PSME1: variants seen among roughly 807,000 people sequenced by gnomAD.
PSME1 encodes proteasome activator subunit 1, also known as proteasome activator complex subunit 1.
A neutral mutation model predicts 38.4 loss-of-function variants in PSME1; 15 were observed. The observed-to-expected ratio is 0.39, with a 90% CI of 0.26 to 0.60. The LOEUF is 0.60. Ranked by LOEUF, PSME1 falls within the 20% of genes least tolerant of loss-of-function variation. The pLI is 0.53. For synonymous variants in PSME1, 106 were observed against 106.8 expected (o/e 0.99, Z 0.05); for missense variants, 249 against 305.6 (o/e 0.81, Z 1.38).
intron 2 of PSME1, 55 bp downstream of exon 2, chr14:24,137,072 C>A: frequency 9.3e-6 from 15 of 1,614,016 alleles, no homozygotes; most frequent in Non-Finnish European, 1.3e-5. Flanking sequence ...TACTGCTCAA[C>A]CCTGCCTCAC....
Position 24,137,220 on chromosome 14 carries a change from C to T in PSME1, c.135+15C>T. On this transcript the variant is annotated intron_variant, in intron 3 of 10. Transcript: ENST00000206451. ...CATTTTTAAAGGTACCGCGGCTGGGCAGGGAGCTAGGGAGTAAAGGCCAAG... is the reference window on the plus strand; with the variant it reads ...CATTTTTAAAGGTACCGCGGCTGGGTAGGGAGCTAGGGAGTAAAGGCCAAG... 1.2e-6 allele frequency: 2 copies of T among 1,613,700 alleles called. No homozygotes were observed. Among genetic ancestry groups the T allele is most frequent in the Non-Finnish European group, 8.5e-7 (1 of 1,179,638 alleles).
At position 24,137,806 on chromosome 14, in the gene PSME1, T is replaced by A; in HGVS notation, c.390+9T>A. The A allele has an allele frequency of 6.2e-7, 1 of 1,611,844 alleles. No homozygotes were observed. Among genetic ancestry groups the A allele is most frequent in the Non-Finnish European group, 8.5e-7 (1 of 1,177,960 alleles). On this transcript the variant is annotated intron_variant, in intron 6 of 10. Transcript: ENST00000206451. ...TTGAGCAGCTCAACCTGGTAAGCCCTCCCCCTTAAACTCTCAGGCTTCAAG... is the reference window on the plus strand; with the variant it reads ...TTGAGCAGCTCAACCTGGTAAGCCCACCCCCTTAAACTCTCAGGCTTCAAG...
rs1279885397 is a variant in PSME1 at position 24,136,241 on chromosome 14, C to T, written c.-22C>T. On this transcript the variant is annotated 5_prime_UTR_variant, in exon 1 of 11. Coordinates refer to ENST00000206451, the MANE Select transcript of PSME1 (RefSeq NM_006263.4). The surrounding 1 kb of genome is among the most constrained non-coding windows in gnomAD (Gnocchi z 4.8). ...GGTGCCCACTCCACTCCTTGTGCGG[C>T]GCTAGGCCCCCCGTCCCGGTCATGG... The T allele has an allele frequency of 6.6e-7, 1 of 1,518,910 alleles. No homozygotes were observed. The highest frequency in any genetic ancestry group is 8.8e-7 in the Non-Finnish European group (1 of 1,134,484). 94.1% of individuals were successfully genotyped at this position (1,518,910 alleles called of 1,614,324 possible).
chr14:24,136,892 C>G lies in PSME1; in HGVS notation c.40-93C>G. 2 of 1,495,094 alleles carry G rather than the reference C, an allele frequency of 1.3e-6. No individual in the cohort carries two copies. Among genetic ancestry groups the G allele is most frequent in the Non-Finnish European group, 1.9e-6 (2 of 1,075,134 alleles). The allele number at this position is 1,495,094 out of a possible 1,614,324, so 92.6% of individuals were successfully genotyped here. A position where few individuals can be genotyped will look rare whatever the true frequency, so the allele number is the denominator to read the frequency against. On this transcript the variant is annotated intron_variant, in intron 1 of 10. Coordinates refer to ENST00000206451, the MANE Select transcript of PSME1 (RefSeq NM_006263.4). The surrounding 1 kb of genome is among the most constrained non-coding windows in gnomAD (Gnocchi z 4.8). ...CCTTAGAGGGATCCCCTCCACCCTT[C>G]CCCAGGTCAGGCCCTACATAACCCT...
At position 24,137,399 on chromosome 14, in the gene PSME1, A is replaced by G; in HGVS notation, c.214A>G (p.Lys72Glu). Residue 72 changes from lysine (K) to glutamate (E), a missense_variant, in exon 4 of 11, where the codon AAA (lysine) becomes GAA (glutamate). Physicochemically the swap from Lys to Glu is moderately conservative, Grantham distance 56. Transcript: ENST00000206451. ...DIPVPDPVKE[K>E]EKEERKKQQE... ...CCCAGTGCCTGATCCAGTCAAGGAG[A>G]AAGAGAAAGAGGAGCGGAAGAAACA... is the stretch of plus-strand genomic sequence containing the variant. 6.2e-7 allele frequency: 1 copy of G among 1,614,162 alleles called. No individual in the cohort carries two copies. The highest frequency in any genetic ancestry group is 8.5e-7 in the Non-Finnish European group (1 of 1,180,022).
Position 24,137,729 on chromosome 14 carries a change from G to T in PSME1, c.322G>T (p.Glu108Ter). The part of the protein sequence containing the change: ...GPPCGPVNCN[E>*]KIVVLLQRLK... The stretch of plus-strand genomic sequence containing the variant: ...TCCCTGTGGCCCAGTGAACTGCAAT[G>T]AAAAGATCGTGGTCCTTCTGCAGCG... The change falls in exon 6 of 11, where the codon GAA becomes TAA. Residue 108 changes from glutamate to a stop codon, truncating the protein, a stop_gained. Transcript: ENST00000206451. LOFTEE classifies it high-confidence loss of function. The T allele has an allele frequency of 6.2e-7, 1 of 1,614,246 alleles. No homozygotes were observed. Among genetic ancestry groups the T allele is most frequent in the South Asian group, 1.1e-5 (1 of 91,080 alleles).
intron 5 of PSME1, 51 bp downstream of exon 5, chr14:24,137,616 C>T: frequency 1.2e-6 from 2 of 1,611,986 alleles, no homozygotes; most frequent in Non-Finnish European, 1.7e-6. Flanking sequence ...CTCACAGGAG[C>T]TCCTCCTAAG....
At position 24,138,520 on chromosome 14, in the gene PSME1, G is replaced by A. The variant is rs537411896; in HGVS notation, c.629G>A (p.Arg210Gln). The A allele has an allele frequency of 1.4e-5, 22 of 1,613,958 alleles. No homozygotes were observed. Among genetic ancestry groups the A allele is most frequent in the African/African-American group, 2.7e-5 (2 of 75,028 alleles). The change falls in exon 10 of 11, where the codon CGG becomes CAG. Residue 210 changes from arginine (R) to glutamine (Q), a missense_variant. By Grantham distance (43) the Arg-to-Gln change is conservative. Transcript: ENST00000206451. ...LVHELDEAEY[R>Q]DIRLMVMEIR... ...CACGAGCTGGATGAGGCAGAGTACC[G>A]GGACATCCGGCTGATGGTCATGGAG...
At chr14:24,138,024 G>A in intron 6 of PSME1, 25 bp from the exon 7 acceptor site, 1 of 1,611,966 alleles carries the variant, frequency 6.2e-7, no homozygotes, top group South Asian at 1.1e-5. Flanking sequence ...GGCTGATGTG[G>A]CATTATGCCA....
Position 24,137,031 on chromosome 14 carries a change from C to T in PSME1, c.72+14C>T. 10 of 1,614,188 alleles carry T rather than the reference C, an allele frequency of 6.2e-6. No individual in the cohort carries two copies. Among genetic ancestry groups the T allele is most frequent in the Non-Finnish European group, 8.5e-6 (10 of 1,180,020 alleles). ...CTCTGTACCAAGGTAAGACATGCCC[C>T]ATCAGCGTGGCCCCACCCCTGCCCA... On this transcript the variant is annotated intron_variant, in intron 2 of 10. Coordinates refer to ENST00000206451, the MANE Select transcript of PSME1 (RefSeq NM_006263.4).
intron 6 of PSME1, 86 bp from the exon 7 acceptor site, chr14:24,137,963 C>A (rs978252727): frequency 1.3e-6 from 2 of 1,547,036 alleles, no homozygotes; most frequent in Non-Finnish European, 1.8e-6. Context: ...CGCCTCCACC[C>A]AGTGTGGGGA....
At position 24,136,285 on chromosome 14, in the gene PSME1, C is replaced by T; in HGVS notation, c.23C>T (p.Pro8Leu). ...GTCATGGCCATGCTCAGGGTCCAGCCCGAGGCCCAAGCCAAGGTGAGCGCC... is the reference window on the plus strand; with the variant it reads ...GTCATGGCCATGCTCAGGGTCCAGCTCGAGGCCCAAGCCAAGGTGAGCGCC... MAMLRVQPEAQAKVDVFR... is the reference protein window; with the variant it reads MAMLRVQLEAQAKVDVFR... Residue 8 changes from proline to leucine, a missense_variant, in exon 1 of 11, where the codon CCC (proline) becomes CTC (leucine). By Grantham distance (98) the Pro-to-Leu change is moderately conservative (BLOSUM62 -3). Transcript: ENST00000206451. This position sits in a 1 kb window ranked among gnomAD's most constrained non-coding sequence, Gnocchi z 4.8. The T allele has an allele frequency of 6.5e-7, 1 of 1,530,008 alleles. No individual in the cohort carries two copies. The highest frequency in any genetic ancestry group is 8.8e-7 in the Non-Finnish European group (1 of 1,139,820). 94.8% of individuals were successfully genotyped at this position (1,530,008 alleles called of 1,614,324 possible). A position where few individuals can be genotyped will look rare whatever the true frequency, so the allele number is the denominator to read the frequency against.
Position 24,136,956 on chromosome 14 carries a change from G to A in PSME1, c.40-29G>A, listed in dbSNP as rs1489449782. ...TCAAATGAACTGGCCTTAAAGCCAA[G>A]TTTCTGAAGGGATGCGTGTGCCCCA... On this transcript the variant is annotated intron_variant, in intron 1 of 10. Transcript: ENST00000206451. This position sits in a 1 kb window ranked among gnomAD's most constrained non-coding sequence, Gnocchi z 4.8. 6.2e-7 allele frequency: 1 copy of A among 1,613,998 alleles called. No homozygotes were observed. The highest frequency in any genetic ancestry group is 1.7e-5 in the Admixed American group (1 of 60,030).
At position 24,136,270 on chromosome 14, in the gene PSME1, T is replaced by C; in HGVS notation, c.8T>C (p.Met3Thr). 1 of 1,530,110 alleles carries C rather than the reference T, an allele frequency of 6.5e-7. No homozygotes were observed. The highest frequency in any genetic ancestry group is 8.8e-7 in the Non-Finnish European group (1 of 1,139,690). 94.8% of individuals were successfully genotyped at this position (1,530,110 alleles called of 1,614,324 possible). Residue 3 changes from methionine to threonine, a missense_variant, in exon 1 of 11, where the codon ATG becomes ACG. Transcript: ENST00000206451. This position sits in a 1 kb window ranked among gnomAD's most constrained non-coding sequence, Gnocchi z 4.8. ...AGGCCCCCCGTCCCGGTCATGGCCA[T>C]GCTCAGGGTCCAGCCCGAGGCCCAA... is the stretch of plus-strand genomic sequence containing the variant. MA[M>T]LRVQPEAQAK...
Position 24,136,675 on chromosome 14 carries a change from A to G in PSME1, c.40-310A>G, listed in dbSNP as rs1448481849. Among the ~76,000 whole-genome samples, 1 of 151,788 alleles carries G rather than the reference A, an allele frequency of 6.6e-6. No individual in the cohort carries two copies. Among genetic ancestry groups the G allele is most frequent in the Non-Finnish European group, 1.5e-5 (1 of 67,912 alleles). On this transcript the variant is annotated intron_variant, in intron 1 of 10. Transcript: ENST00000206451. This position sits in a 1 kb window ranked among gnomAD's most constrained non-coding sequence, Gnocchi z 4.8. Reference sequence around the variant, plus strand: ...GAGGACTCTCAGCACCCCTCCTCACACCTGCCAGGCGACCCCAGAGATCTG... The same window carrying G: ...GAGGACTCTCAGCACCCCTCCTCACGCCTGCCAGGCGACCCCAGAGATCTG...
chr14:24,136,899 T>C lies in PSME1; in HGVS notation c.40-86T>C. On this transcript the variant is annotated intron_variant, in intron 1 of 10. Coordinates refer to ENST00000206451, the MANE Select transcript of PSME1 (RefSeq NM_006263.4). The surrounding 1 kb of genome is among the most constrained non-coding windows in gnomAD (Gnocchi z 4.8). ...GGGATCCCCTCCACCCTTCCCCAGGTCAGGCCCTACATAACCCTAAGGGAA... is the reference window on the plus strand; with the variant it reads ...GGGATCCCCTCCACCCTTCCCCAGGCCAGGCCCTACATAACCCTAAGGGAA... 2 of 1,535,758 alleles carry C rather than the reference T, an allele frequency of 1.3e-6. No individual in the cohort carries two copies. The highest frequency in any genetic ancestry group is 1.8e-6 in the Non-Finnish European group (2 of 1,111,066).
At position 24,137,694 on chromosome 14, in the gene PSME1, C is replaced by G. The variant is rs2037933897; in HGVS notation, c.293-6C>G. On this transcript the variant is annotated splice_polypyrimidine_tract_variant and splice_region_variant and intron_variant, in intron 5 of 10. Transcript: ENST00000206451. The stretch of plus-strand genomic sequence containing the variant: ...TCATGTGACTGACCCATTGCTCACT[C>G]TCTAGGTCCTCCCTGTGGCCCAGTG... The G allele has an allele frequency of 1.2e-6, 2 of 1,613,904 alleles. No homozygotes were observed. The highest frequency in any genetic ancestry group is 1.3e-5 in the African/African-American group (1 of 74,930).
intron 6 of PSME1, 61 bp downstream of exon 6, chr14:24,137,858 C>T: frequency 6.4e-7 from 1 of 1,570,050 alleles, no homozygotes; most frequent in Non-Finnish European, 8.8e-7. Flanking sequence ...TTGGTCCCTG[C>T]CATTTAGGGC....
In PSME1 at chr14:24,138,368, C is replaced by G; in HGVS notation, c.551C>G (p.Ala184Gly). The G allele has an allele frequency of 6.2e-7, 1 of 1,614,186 alleles. No individual in the cohort carries two copies. Among genetic ancestry groups the G allele is most frequent in the Non-Finnish European group, 8.5e-7 (1 of 1,180,038 alleles). Residue 184 changes from alanine (A) to glycine (G), a missense_variant, in exon 9 of 11, where the codon GCA (alanine) becomes GGA (glycine). Transcript: ENST00000206451. ...AGGTATTTCTCTGAGCGTGGTGATG[C>G]AGTGACTAAAGCAGCCAAGCAGCCC... ...ISKYFSERGD[A>G]VTKAAKQPHV...
Sources: gnomAD v4.1 joint callset for allele counts (sites outside exome capture counted in the v4.1 genomes callset) on GRCh38, gnomAD v4.1.1 for gene constraint, Gnocchi (gnomAD v3.1) non-coding constraint, MANE v1.5 for transcripts, NCBI Gene and HGNC (gene_info 2026-07-23, HGNC 2026-07-21) for gene names.